The following OTOGL variants were observed in gnomAD, a reference collection of about 807,000 sequenced individuals.
OTOGL encodes the protein otogelin like, also known as otogelin-like protein.
A neutral mutation model predicts 318.5 loss-of-function variants in OTOGL; 285 were observed. That is an observed-to-expected ratio of 0.89 (90% CI 0.81 to 0.99). The LOEUF (loss-of-function observed/expected upper bound fraction) is 0.99. OTOGL is among the 50% of genes least tolerant of loss of function. The pLI is 0.00. For synonymous variants in OTOGL, 987 were observed against 936.5 expected (o/e 1.05, Z -0.99); for missense variants, 2,899 against 2,845.6 (o/e 1.02, Z -0.43).
chr12:80,187,199 G>C (rs761175313), intron 1 of OTOGL, among the ~76,000 whole-genome samples: 5 of 151,996 alleles, frequency 3.3e-5, no homozygotes, highest in African/African-American at 1.2e-4. Context: ...TTCCCTAAAG[G>C]CCTCTTCACA....
chr12:80,249,107 TG>T (rs1881214843), intron 11 of OTOGL, among the ~76,000 whole-genome samples: 1 of 146,576 alleles, frequency 6.8e-6, no homozygotes, highest in Non-Finnish European at 1.5e-5. Context: ...GCCTTTGGTT[TG>T]AATGTCCTCC....
chr12:80,243,962 C>A (rs1275480032), intron 11 of OTOGL, among the ~76,000 whole-genome samples: 1 of 150,358 alleles, frequency 6.7e-6, no homozygotes, highest in African/African-American at 2.4e-5. Context: ...AAGGCTTCAA[C>A]ATTCCACCAG....
In OTOGL at chr12:80,278,262, C is replaced by G. The variant is rs936529644; in HGVS notation, c.2776C>G (p.Pro926Ala). 17 of 1,536,006 alleles carry G rather than the reference C, an allele frequency of 1.1e-5. No homozygotes were observed. The highest frequency in any genetic ancestry group is 9.9e-5 in the Admixed American group (5 of 50,740). Residue 926 changes from proline to alanine, a missense_variant, in exon 25 of 59, where the codon CCG (proline) becomes GCG (alanine). Coordinates refer to ENST00000547103, the MANE Select transcript of OTOGL (RefSeq NM_001378609.3). ...EYLSGEVIAT[P>A]CYTCVCRRGM... ...TCTCTCAGGAGAAGTGATTGCTACA[C>G]CGTGTTACACCTGGTAAGGAGATCC... is the stretch of plus-strand genomic sequence containing the variant.
At chr12:80,145,981 T>C (rs1052569800) in intron 1 of OTOGL, among the ~76,000 whole-genome samples, 8 of 150,772 alleles carry the variant, frequency 5.3e-5, no homozygotes, top group Non-Finnish European at 1.0e-4. Flanking sequence ...GTTTTCTAGA[T>C]ATACAATCAT....
chr12:80,346,169 C>A (rs1889185340), intron 44 of OTOGL, among the ~76,000 whole-genome samples: 1 of 152,094 alleles, frequency 6.6e-6, no homozygotes, highest in South Asian at 2.1e-4. Flanking sequence ...AGCCTCAAGT[C>A]TTAAGACATT....
At chr12:80,309,019 T>C (rs1340846998) in intron 29 of OTOGL, among the ~76,000 whole-genome samples, 2 of 145,604 alleles carry the variant, frequency 1.4e-5, no homozygotes, top group African/African-American at 5.2e-5. Flanking sequence ...AGAGAAGAAG[T>C]AACTATTTCT....
At chr12:80,139,567 TG>T (rs775144053) in intron 1 of OTOGL, among the ~76,000 whole-genome samples, 6 of 152,288 alleles carry the variant, frequency 3.9e-5, no homozygotes, top group Non-Finnish European at 7.3e-5. Context: ...AAGTTTTTGT[TG>T]TTTGTTTGTT....
intron 57 of OTOGL, among the ~76,000 whole-genome samples, chr12:80,372,291 G>C (rs1032219592): frequency 6.6e-6 from 1 of 151,968 alleles, no homozygotes; most frequent in Non-Finnish European, 1.5e-5. Context: ...TTGTAAATTA[G>C]TCTTTAACTT....
At chr12:80,159,147 T>C (rs1873325066) in intron 1 of OTOGL, among the ~76,000 whole-genome samples, 1 of 151,968 alleles carries the variant, frequency 6.6e-6, no homozygotes. Context: ...TTGACTTGTG[T>C]ATGTTAAACC....
chr12:80,115,882 A>C (rs1168959782), intron 1 of OTOGL, among the ~76,000 whole-genome samples: 1 of 152,120 alleles, frequency 6.6e-6, no homozygotes, highest in Non-Finnish European at 1.5e-5. Flanking sequence ...AGCCTCAGTA[A>C]TGGTGGACAC....
intron 44 of OTOGL, among the ~76,000 whole-genome samples, chr12:80,351,303 T>G (rs1430953318): frequency 1.3e-5 from 2 of 150,036 alleles, no homozygotes; most frequent in Non-Finnish European, 3.0e-5. Flanking sequence ...TTTTTTTTTT[T>G]TTTGTTGTTG....
chr12:80,150,927 A>G (rs1351938219), intron 1 of OTOGL, among the ~76,000 whole-genome samples: 7 of 152,106 alleles, frequency 4.6e-5, no homozygotes, highest in Non-Finnish European at 7.3e-5. Flanking sequence ...ATTACAATGG[A>G]AAAAGGACAA....
At chr12:80,338,692 G>GA (rs2137924854) in intron 42 of OTOGL, among the ~76,000 whole-genome samples, 2 of 152,100 alleles carry the variant, frequency 1.3e-5, no homozygotes, top group South Asian at 4.2e-4. Flanking sequence ...TGATTTAGAA[G>GA]ATCAAGGAAA....
At chr12:80,295,648 C>A (rs1281228607) in intron 26 of OTOGL, among the ~76,000 whole-genome samples, 2 of 152,158 alleles carry the variant, frequency 1.3e-5, no homozygotes, top group Non-Finnish European at 2.9e-5. Flanking sequence ...TCTCTACTGT[C>A]CACAATCAGT....
At chr12:80,356,052 C>A in intron 47 of OTOGL, 104 bp downstream of exon 47, 3 of 1,248,042 alleles carry the variant, frequency 2.4e-6, no homozygotes, top group Non-Finnish European at 3.4e-6. Context: ...TAAAAAAGGG[C>A]CATAAATGTC....
chr12:80,246,490 G>C (rs1360365354), intron 11 of OTOGL, among the ~76,000 whole-genome samples: 4 of 124,432 alleles, frequency 3.2e-5, no homozygotes, highest in Non-Finnish European at 6.4e-5. Context: ...TATTGAACCA[G>C]CCTTGCATCC....
chr12:80,159,107 T>A (rs1291364625), intron 1 of OTOGL, among the ~76,000 whole-genome samples: 1 of 152,198 alleles, frequency 6.6e-6, no homozygotes, highest in Non-Finnish European at 1.5e-5. Context: ...TTTTTGTTTT[T>A]AATTCTGTTT....
chr12:80,104,938 T>C (rs1869367873), intron 1 of OTOGL, among the ~76,000 whole-genome samples: 1 of 151,932 alleles, frequency 6.6e-6, no homozygotes, highest in South Asian at 2.1e-4. Context: ...CTACTAAAAA[T>C]TCAACAGATT....
At chr12:80,107,401 T>C (rs1271267198) in intron 1 of OTOGL, among the ~76,000 whole-genome samples, 1 of 152,018 alleles carries the variant, frequency 6.6e-6, no homozygotes, top group Non-Finnish European at 1.5e-5. Context: ...GTCAGAATTT[T>C]TGGCTATTAT....
Sources: gnomAD v4.1 joint callset for allele counts (sites outside exome capture counted in the v4.1 genomes callset) on GRCh38, gnomAD v4.1.1 for gene constraint, MANE v1.5 for transcripts, NCBI Gene and HGNC (gene_info 2026-07-23, HGNC 2026-07-21) for gene names.